Variants in VWC2 observed in about 807,000 individuals in gnomAD.
VWC2 encodes brorin.
Under a neutral mutation model 29.8 loss-of-function variants are expected in VWC2, and 14 were observed. The ratio of observed to expected loss-of-function variants is 0.47; its 90% CI spans 0.31 to 0.74. The LOEUF (loss-of-function observed/expected upper bound fraction) is 0.74. VWC2 is among the 30% of genes least tolerant of loss of function. The pLI, the probability that VWC2 is intolerant of heterozygous loss-of-function variation, is 0.05. For synonymous variants in VWC2, 213 were observed against 199.0 expected, an observed-to-expected ratio of 1.07 and a Z score of -0.59; for missense variants, 457 against 459.8, an observed-to-expected ratio of 0.99 and a Z score of 0.05.
At chr7:49,908,173 G>T (rs551620343) in intron 3 of VWC2, among the ~76,000 whole-genome samples, 1 of 152,322 alleles carries the variant, frequency 6.6e-6, no homozygotes. Context: ...GCTACAAAAA[G>T]TCTGTTTTGT....
intron 3 of VWC2, among the ~76,000 whole-genome samples, chr7:49,873,954 CATTT>C (rs1002504068): frequency 1.3e-5 from 2 of 150,914 alleles, no homozygotes; most frequent in Non-Finnish European, 3.0e-5. Context: ...TAGTATGATA[CATTT>C]ATTTATTGCA....
intron 3 of VWC2, among the ~76,000 whole-genome samples, chr7:49,833,019 C>T (rs752678324): frequency 6.6e-6 from 1 of 152,068 alleles, no homozygotes; most frequent in Non-Finnish European, 1.5e-5. Flanking sequence ...GTGAAAAGTC[C>T]AGAAGTCAAA....
chr7:49,776,188 C>A, intron 2 of VWC2, 57 bp downstream of exon 2: 1 of 1,413,896 alleles, frequency 7.1e-7, no homozygotes, highest in Non-Finnish European at 9.4e-7. Context: ...GGTGGAACAG[C>A]TTTGGTTCTG....
At chr7:49,814,445 G>A (rs1173049555) in intron 3 of VWC2, among the ~76,000 whole-genome samples, 1 of 152,064 alleles carries the variant, frequency 6.6e-6, no homozygotes, top group Non-Finnish European at 1.5e-5. Context: ...CTCTTCCTGA[G>A]ATCTTTGAAT....
chr7:49,830,854 T>TC (rs1367121587), intron 3 of VWC2, among the ~76,000 whole-genome samples: 1 of 152,218 alleles, frequency 6.6e-6, no homozygotes, highest in African/African-American at 2.4e-5. Context: ...GAACTCATCC[T>TC]TTTTTATGGC....
At chr7:49,907,027 T>A (rs138753289) in intron 3 of VWC2, among the ~76,000 whole-genome samples, 4 of 152,210 alleles carry the variant, frequency 2.6e-5, no homozygotes, top group African/African-American at 9.6e-5. Flanking sequence ...TAAACAATGG[T>A]GAAGGCACAC....
At chr7:49,796,911 T>C (rs186609475) in intron 2 of VWC2, among the ~76,000 whole-genome samples, 1 of 152,300 alleles carries the variant, frequency 6.6e-6, no homozygotes. Flanking sequence ...AGAGCTTTAG[T>C]TTATGTATGC....
At chr7:49,895,991 A>G (rs1305436178) in intron 3 of VWC2, among the ~76,000 whole-genome samples, 1 of 152,136 alleles carries the variant, frequency 6.6e-6, no homozygotes, top group Non-Finnish European at 1.5e-5. Flanking sequence ...TTTTCCCAAG[A>G]TTCTTAGTAG....
chr7:49,878,523 G>A (rs1427919781), intron 3 of VWC2, among the ~76,000 whole-genome samples: 2 of 152,036 alleles, frequency 1.3e-5, no homozygotes, highest in Non-Finnish European at 2.9e-5. Flanking sequence ...AACTCTGAAG[G>A]TATTTTTTCA....
intron 2 of VWC2, among the ~76,000 whole-genome samples, chr7:49,781,295 A>C (rs1363786113): frequency 6.6e-6 from 1 of 152,016 alleles, no homozygotes; most frequent in Non-Finnish European, 1.5e-5. Flanking sequence ...GACTCTTTAG[A>C]TGTGTTCCTA....
At position 49,775,955 on chromosome 7, in the gene VWC2, T is replaced by A; in HGVS notation, c.520T>A (p.Ser174Thr). 2 of 1,551,934 alleles carry A rather than the reference T, an allele frequency of 1.3e-6. No individual in the cohort carries two copies. Among genetic ancestry groups the A allele is most frequent in the Non-Finnish European group, 1.7e-6 (2 of 1,150,868 alleles). The change falls in exon 2 of 4, where the codon TCG becomes ACG. Residue 174 changes from serine (S) to threonine (T), a missense_variant. Physicochemically the swap from Ser to Thr is moderately conservative, Grantham distance 58. This residue lies in a region of VWC2 where 185 missense variants were observed against 257.1 expected (regional missense o/e 0.72). Transcript: ENST00000340652. ...CGGGGAGAAGTTCGCGCCGGGCCCCTCGGCCTGCCCGTGCCTGTGCACCGA... is the reference window on the plus strand; with the variant it reads ...CGGGGAGAAGTTCGCGCCGGGCCCCACGGCCTGCCCGTGCCTGTGCACCGA... ...AIGEKFAPGP[S>T]ACPCLCTEEG...
At chr7:49,848,402 C>G (rs564011570) in intron 3 of VWC2, among the ~76,000 whole-genome samples, 130 of 152,328 alleles carry the variant, frequency 8.5e-4, no homozygotes, top group African/African-American at 3.0e-3. Flanking sequence ...TGTGTGAGAG[C>G]CGGGCATGGC....
chr7:49,798,960 C>G (rs1788665818), intron 2 of VWC2, among the ~76,000 whole-genome samples: 1 of 152,174 alleles, frequency 6.6e-6, no homozygotes, highest in African/African-American at 2.4e-5. Context: ...GGATCCATGA[C>G]AGGTAGGAGC....
At chr7:49,872,632 G>A (rs764365975) in intron 3 of VWC2, among the ~76,000 whole-genome samples, 4 of 151,520 alleles carry the variant, frequency 2.6e-5, no homozygotes, top group Admixed American at 1.3e-4. Context: ...GGGGCTGGGC[G>A]CAGTGGCTCA....
intron 2 of VWC2, among the ~76,000 whole-genome samples, chr7:49,797,912 T>C (rs1286109108): frequency 6.6e-6 from 1 of 152,230 alleles, no homozygotes; most frequent in African/African-American, 2.4e-5. Context: ...GAATGACATT[T>C]CTGCCATAAG....
At chr7:49,871,867 G>A (rs1485190615) in intron 3 of VWC2, among the ~76,000 whole-genome samples, 5 of 140,364 alleles carry the variant, frequency 3.6e-5, no homozygotes, top group African/African-American at 1.3e-4. Flanking sequence ...ACATACATAT[G>A]TGCATATATA....
chr7:49,809,547 T>G (rs1348550929), intron 3 of VWC2, among the ~76,000 whole-genome samples: 9 of 151,958 alleles, frequency 5.9e-5, no homozygotes, highest in Admixed American at 5.9e-4. Flanking sequence ...ATGCTGAAGG[T>G]AGACAAAAAC....
intron 3 of VWC2, among the ~76,000 whole-genome samples, chr7:49,909,654 C>A (rs944114372): frequency 1.3e-5 from 2 of 152,240 alleles, no homozygotes; most frequent in East Asian, 3.9e-4. Context: ...CAGATACTGG[C>A]CCCCTGGAAA....
chr7:49,882,332 T>C (rs530648339), intron 3 of VWC2, among the ~76,000 whole-genome samples: 67 of 152,218 alleles, frequency 4.4e-4, no homozygotes, highest in African/African-American at 1.3e-3. Flanking sequence ...CACATGGCAA[T>C]AAAAAGCAAA....
Sources: gnomAD v4.1 joint callset for allele counts (sites outside exome capture counted in the v4.1 genomes callset) on GRCh38, gnomAD v4.1.1 for gene constraint, gnomAD v4.1.1 regional missense constraint, MANE v1.5 for transcripts, NCBI Gene and HGNC (gene_info 2026-07-23, HGNC 2026-07-21) for gene names.